The following PKD2L2 variants were observed in gnomAD, a reference collection of about 807,000 sequenced individuals.
PKD2L2 encodes the protein polycystin-2-like protein 2.
Under a neutral mutation model 83.9 loss-of-function variants are expected in PKD2L2, and 67 were observed. That is an observed-to-expected ratio of 0.80 (90% CI 0.66 to 0.98). PKD2L2 has a LOEUF of 0.98. Ranked by LOEUF, PKD2L2 falls within the 50% of genes least tolerant of loss-of-function variation. The probability of loss-of-function intolerance (pLI) is 0.00; values close to 1 mark genes in which losing one functional copy is unlikely to be tolerated. For synonymous variants in PKD2L2, 223 were observed against 237.8 expected, an observed-to-expected ratio of 0.94 and a Z score of 0.57; for missense variants, 632 against 717.2, an observed-to-expected ratio of 0.88 and a Z score of 1.36.
intron 1 of PKD2L2, 84 bp downstream of exon 1, chr5:137,889,606 T>G: frequency 7.9e-7 from 1 of 1,265,116 alleles, no homozygotes; most frequent in Admixed American, 3.1e-5. Flanking sequence ...CGGCCCCAAA[T>G]TCGTTTGAGA....
At chr5:137,900,140 ATAT>A (rs1756826381) in intron 5 of PKD2L2, among the ~76,000 whole-genome samples, 1 of 152,246 alleles carries the variant, frequency 6.6e-6, no homozygotes, top group Non-Finnish European at 1.5e-5. Flanking sequence ...ATGTAGTACT[ATAT>A]CATAACTGCA....
chr5:137,940,501 C>T, intron 14 of PKD2L2: 1 of 583,814 alleles, frequency 1.7e-6, no homozygotes, highest in Non-Finnish European at 3.0e-6. Context: ...TGAACTAATA[C>T]CCTCATCCCC....
chr5:137,925,284 T>C (rs1178831804), intron 11 of PKD2L2, among the ~76,000 whole-genome samples, 180 bp downstream of exon 11: 1 of 152,208 alleles, frequency 6.6e-6, no homozygotes, highest in African/African-American at 2.4e-5. Context: ...AGTGTTGGGA[T>C]TACAGGCGTG....
rs1554108511 is a variant in PKD2L2, at chr5:137,918,967, T to TGTGA, written c.1329-2668_1329-2667insTGAG. On this transcript the variant is annotated intron_variant, in intron 8 of 14. Transcript: ENST00000508883. Reference sequence around the variant, plus strand: ...CAATGTGTGTGTGTGTGTGTGTGTGTGAGTGTGTGTGTGTGTGTGTAGGGA... The same window carrying TGTGA: ...CAATGTGTGTGTGTGTGTGTGTGTGTGTGAGAGTGTGTGTGTGTGTGTGTAGGGA... Among the ~76,000 whole-genome samples, 130 of 148,038 alleles carry TGTGA rather than the reference T, an allele frequency of 8.8e-4. 1 individual carries two copies. Among genetic ancestry groups the TGTGA allele is most frequent in the Non-Finnish European group, 9.3e-4 (62 of 66,606 alleles).
At chr5:137,890,429 A>G in intron 1 of PKD2L2, 52 bp from the exon 2 acceptor site, 1 of 926,642 alleles carries the variant, frequency 1.1e-6, no homozygotes, top group Non-Finnish European at 1.7e-6. Flanking sequence ...CATTGTTGTC[A>G]CTTATAAATT....
intron 2 of PKD2L2, 41 bp from the exon 3 acceptor site, chr5:137,892,439 T>A (rs1279723953): frequency 8.2e-7 from 1 of 1,214,030 alleles, no homozygotes; most frequent in Middle Eastern, 2.2e-4. Flanking sequence ...TAAGCTGAGT[T>A]TTTAAATGTA....
intron 8 of PKD2L2, among the ~76,000 whole-genome samples, chr5:137,910,013 A>G (rs770971694): frequency 5.9e-5 from 9 of 151,968 alleles, no homozygotes; most frequent in African/African-American, 9.7e-5. Flanking sequence ...CACTGAGGCC[A>G]GGAGTTCAAG....
chr5:137,936,737 G>A (rs1035928627), intron 14 of PKD2L2, among the ~76,000 whole-genome samples: 4 of 152,214 alleles, frequency 2.6e-5, no homozygotes, highest in African/African-American at 9.6e-5. Flanking sequence ...TGACAGGCGT[G>A]AGCCACCGCA....
intron 12 of PKD2L2, among the ~76,000 whole-genome samples, chr5:137,933,411 T>C (rs1760049778): frequency 6.6e-6 from 1 of 152,206 alleles, no homozygotes; most frequent in South Asian, 2.1e-4. Context: ...CACAATTCCT[T>C]AAGAATACTT....
At position 137,906,155 on chromosome 5, in the gene PKD2L2, A is replaced by C. The variant is rs377703509; in HGVS notation, c.747-51A>C. 526 of 1,050,046 alleles carry C rather than the reference A, an allele frequency of 5.0e-4. 1 individual carries two copies. The highest frequency in any genetic ancestry group is 6.2e-4 in the Non-Finnish European group (429 of 697,382). The allele number at this position is 1,050,046 out of a possible 1,614,324, so 65.0% of individuals were successfully genotyped here. A position where few individuals can be genotyped will look rare whatever the true frequency, so the allele number is the denominator to read the frequency against. ...ATTGAAAATTTCACATTAAGTACTG[A>C]AATATAAATGCTTGAAATGAACAGT... On this transcript the variant is annotated intron_variant, in intron 5 of 14. Transcript: ENST00000508883.
chr5:137,912,509 G>A (rs12656492), intron 8 of PKD2L2, among the ~76,000 whole-genome samples: 43,269 of 151,728 alleles, frequency 0.29, 6,668 homozygotes, highest in East Asian at 0.59. Flanking sequence ...TGGCATTACA[G>A]GCATGCACCA....
At chr5:137,939,825 A>G in intron 14 of PKD2L2, 1 of 1,267,702 alleles carries the variant, frequency 7.9e-7, no homozygotes. Context: ...CAACAGAAGA[A>G]TTCAGTATGA....
At chr5:137,934,809 A>G (rs1760179089) in intron 12 of PKD2L2, among the ~76,000 whole-genome samples, 1 of 152,158 alleles carries the variant, frequency 6.6e-6, no homozygotes, top group Admixed American at 6.5e-5. Context: ...CCTGGGTGAC[A>G]GAGTGGGAGG....
Position 137,907,766 on chromosome 5 carries a change from A to G in PKD2L2, c.1000A>G (p.Asn334Asp), listed in dbSNP as rs1169227236. ...GTTGTGTTTTGTGGCTGTTTCCTTCAACACATACTATAATGTACAAATTTT... is the reference window on the plus strand; with the variant it reads ...GTTGTGTTTTGTGGCTGTTTCCTTCGACACATACTATAATGTACAAATTTT... ...LLLCFVAVSF[N>D]TYYNVQIFLL... is the part of the protein sequence containing the mutation. The change falls in exon 7 of 15, where the codon AAC becomes GAC. Residue 334 changes from asparagine (N) to aspartate (D), a missense_variant. Transcript: ENST00000508883. The G allele has an allele frequency of 6.5e-7, 1 of 1,539,760 alleles. No homozygotes were observed. The highest frequency in any genetic ancestry group is 1.4e-5 in the African/African-American group (1 of 72,710).
intron 5 of PKD2L2, among the ~76,000 whole-genome samples, chr5:137,901,184 G>A (rs1756926764): frequency 6.6e-6 from 1 of 151,960 alleles, no homozygotes; most frequent in Non-Finnish European, 1.5e-5. Context: ...TGTGACAACT[G>A]GTAAAAGGAA....
chr5:137,939,179 T>C (rs114637319), intron 14 of PKD2L2: 2,544 of 152,318 alleles, frequency 0.017, 38 homozygotes, highest in Non-Finnish European at 0.028. Flanking sequence ...TAAGAGGGCG[T>C]TGTTGTCGTT....
At chr5:137,916,619 A>ACAGATGCG (rs1758377862) in intron 8 of PKD2L2, among the ~76,000 whole-genome samples, 1 of 151,070 alleles carries the variant, frequency 6.6e-6, no homozygotes, top group Non-Finnish European at 1.5e-5. Flanking sequence ...AGCTAGAGTT[A>ACAGATGCG]CAGATGCGCA....
At chr5:137,942,323 T>C in intron 14 of PKD2L2, 61 bp from the exon 15 acceptor site, 1 of 401,926 alleles carries the variant, frequency 2.5e-6, no homozygotes, top group Non-Finnish European at 4.4e-6. Flanking sequence ...AACTCGCAAC[T>C]AGTTCCTGTA....
intron 12 of PKD2L2, among the ~76,000 whole-genome samples, chr5:137,934,975 C>A (rs1760200874): frequency 2.0e-5 from 3 of 152,180 alleles, no homozygotes; most frequent in Admixed American, 1.3e-4. Flanking sequence ...ATCAAGCAAC[C>A]ACAGAGTGTA....
Sources: gnomAD v4.1 joint callset for allele counts (sites outside exome capture counted in the v4.1 genomes callset) on GRCh38, gnomAD v4.1.1 for gene constraint, MANE v1.5 for transcripts, NCBI Gene and HGNC (gene_info 2026-07-23, HGNC 2026-07-21) for gene names.